The following MYO3B variants were observed in gnomAD, a reference collection of about 807,000 sequenced individuals.
The protein encoded by MYO3B is myosin-IIIb.
In MYO3B, 156 loss-of-function variants were observed where a neutral mutation model predicts 174.6. The ratio of observed to expected loss-of-function variants is 0.89; its 90% CI spans 0.78 to 1.02. The LOEUF is 1.02. Ranked by LOEUF, MYO3B falls within the 50% of genes least tolerant of loss-of-function variation. The probability of loss-of-function intolerance (pLI) is 0.00; values close to 1 mark genes in which losing one functional copy is unlikely to be tolerated. For missense variants in MYO3B, 1,632 were observed against 1,639.4 expected, an observed-to-expected ratio of 1.00 and a Z score of 0.08; for synonymous variants, 563 against 569.1, an observed-to-expected ratio of 0.99 and a Z score of 0.15.
At chr2:170,571,736 A>G (rs1260466172) in intron 32 of MYO3B, among the ~76,000 whole-genome samples, 2 of 152,144 alleles carry the variant, frequency 1.3e-5, no homozygotes, top group Admixed American at 6.5e-5. Context: ...ATAAAAGTGG[A>G]GTATATAGGG....
intron 24 of MYO3B, among the ~76,000 whole-genome samples, chr2:170,465,568 G>C (rs748550777): frequency 1.3e-5 from 2 of 152,152 alleles, no homozygotes; most frequent in Non-Finnish European, 2.9e-5. Flanking sequence ...AACCCTTGGT[G>C]TCTGTATGTG....
intron 32 of MYO3B, among the ~76,000 whole-genome samples, chr2:170,552,746 A>G (rs1028580854): frequency 5.9e-5 from 9 of 152,178 alleles, no homozygotes; most frequent in Admixed American, 5.2e-4. Context: ...AAACAATGGA[A>G]AAAAACTCCT....
At chr2:170,184,023 A>AT (rs150712095) in intron 1 of MYO3B, among the ~76,000 whole-genome samples, 64,729 of 151,272 alleles carry the variant, frequency 0.43, 15,076 homozygotes, top group East Asian at 0.56. Context: ...CTAATAGCTG[A>AT]TTTTTTTTCT....
At chr2:170,463,306 G>A in intron 23 of MYO3B, 62 bp from the exon 24 acceptor site, 1 of 1,464,900 alleles carries the variant, frequency 6.8e-7, no homozygotes, top group Non-Finnish European at 9.5e-7. Flanking sequence ...GATTTTGGAA[G>A]ACATGGAGCA....
intron 7 of MYO3B, among the ~76,000 whole-genome samples, chr2:170,251,701 G>C (rs1430231194): frequency 6.6e-6 from 1 of 152,178 alleles, no homozygotes. Context: ...CTTGACTTTG[G>C]ACTGCTAGTT....
At chr2:170,628,179 C>A (rs1442455642) in intron 32 of MYO3B, among the ~76,000 whole-genome samples, 1 of 152,230 alleles carries the variant, frequency 6.6e-6, no homozygotes, top group Non-Finnish European at 1.5e-5. Flanking sequence ...CCTCCTTGAG[C>A]TGCATTGGGC....
intron 29 of MYO3B, among the ~76,000 whole-genome samples, chr2:170,515,289 G>T (rs766745168): frequency 3.4e-4 from 51 of 152,212 alleles, no homozygotes; most frequent in Non-Finnish European, 1.0e-4. Flanking sequence ...TGGAACACTG[G>T]TCTAGTTGCA....
chr2:170,391,507 CTTTT>C lies in MYO3B; in HGVS notation c.1578-7_1578-4del. Reference sequence around the variant, plus strand: ...CCAGAATATATTATTACTAAAGTCTCTTTTTTTTTCAGGAGAGAGAAAAATTTTC... The same window carrying C: ...CCAGAATATATTATTACTAAAGTCTCTTTTTCAGGAGAGAGAAAAATTTTC... On this transcript the variant is annotated splice_polypyrimidine_tract_variant and intron_variant, in intron 14 of 34. Coordinates refer to ENST00000408978, the MANE Select transcript of MYO3B (RefSeq NM_138995.5). 3 of 1,257,352 alleles carry C rather than the reference CTTTT, an allele frequency of 2.4e-6. No homozygotes were observed. Among genetic ancestry groups the C allele is most frequent in the African/African-American group, 1.6e-5 (1 of 63,676 alleles). 77.9% of individuals were successfully genotyped at this position (1,257,352 alleles called of 1,614,324 possible). A position where few individuals can be genotyped will look rare whatever the true frequency, so the allele number is the denominator to read the frequency against.
rs867364076 is a variant in MYO3B, at chr2:170,200,377, T to C, written c.321+93T>C. The stretch of plus-strand genomic sequence containing the variant: ...CCTAGAGGGTGTTTTAAGGTACACA[T>C]TTGAGGAGTAGGTCCCTCCTGCATG... On this transcript the variant is annotated intron_variant, in intron 3 of 34. Transcript: ENST00000408978. The C allele has an allele frequency of 6.6e-5, 94 of 1,428,692 alleles. 1 individual carries two copies. In the Middle Eastern group the frequency reaches 4.0e-3, roughly 61 times the overall value. 88.5% of individuals were successfully genotyped at this position (1,428,692 alleles called of 1,614,324 possible). A position where few individuals can be genotyped will look rare whatever the true frequency, so the allele number is the denominator to read the frequency against.
At chr2:170,426,079 ATT>A (rs34098665) in intron 22 of MYO3B, among the ~76,000 whole-genome samples, 7 of 148,072 alleles carry the variant, frequency 4.7e-5, no homozygotes, top group African/African-American at 1.7e-4. Context: ...TTAATCTCTG[ATT>A]TTTTTTTTTT....
intron 28 of MYO3B, among the ~76,000 whole-genome samples, chr2:170,505,857 G>A (rs933169241): frequency 2.0e-5 from 3 of 152,230 alleles, no homozygotes; most frequent in African/African-American, 7.2e-5. Flanking sequence ...CACACGCACA[G>A]GAGTCGGAAG....
chr2:170,407,602 G>GAAAGCTATC, intron 21 of MYO3B, 113 bp from the exon 22 acceptor site: 2 of 1,210,094 alleles, frequency 1.7e-6, no homozygotes, highest in Non-Finnish European at 2.4e-6. Flanking sequence ...TGAAAGCTAT[G>GAAAGCTATC]TAAAGATGAG....
At chr2:170,589,893 A>G (rs1693716079) in intron 32 of MYO3B, among the ~76,000 whole-genome samples, 1 of 152,214 alleles carries the variant, frequency 6.6e-6, no homozygotes, top group Admixed American at 6.5e-5. Context: ...AGTGCCCTAT[A>G]CAGAGGTACC....
chr2:170,274,859 A>G (rs975852746), intron 7 of MYO3B, among the ~76,000 whole-genome samples: 2 of 152,230 alleles, frequency 1.3e-5, no homozygotes, highest in Non-Finnish European at 2.9e-5. Flanking sequence ...TTCCTAATCA[A>G]AAATCTTTAA....
intron 25 of MYO3B, among the ~76,000 whole-genome samples, chr2:170,479,581 A>G (rs1685549535): frequency 6.8e-6 from 1 of 146,532 alleles, no homozygotes; most frequent in Non-Finnish European, 1.5e-5. Flanking sequence ...ATATACATAC[A>G]TCTATATAAT....
chr2:170,182,493 C>A (rs538781781), intron 1 of MYO3B, among the ~76,000 whole-genome samples: 1 of 152,192 alleles, frequency 6.6e-6, no homozygotes, highest in Admixed American at 6.5e-5. Flanking sequence ...TTATTTCTAC[C>A]CCTGTGGCAT....
At chr2:170,372,487 C>T (rs1236188173) in intron 9 of MYO3B, among the ~76,000 whole-genome samples, 1 of 152,006 alleles carries the variant, frequency 6.6e-6, no homozygotes, top group Non-Finnish European at 1.5e-5. Context: ...TTAAAATATC[C>T]CATTTTATCT....
intron 30 of MYO3B, among the ~76,000 whole-genome samples, chr2:170,526,352 G>C (rs1688997974): frequency 6.6e-6 from 1 of 152,176 alleles, no homozygotes; most frequent in African/African-American, 2.4e-5. Context: ...AATAATAGTA[G>C]TAATATTAGT....
rs2105838058 is a variant in MYO3B at position 170,415,108 on chromosome 2, T to A, written c.2650+7264T>A. Reference sequence around the variant, plus strand: ...ATTATACTGGCTAGGACTTCCAGTATGATATTGGATAAAAGTGGTGAGAGG... The same window carrying A: ...ATTATACTGGCTAGGACTTCCAGTAAGATATTGGATAAAAGTGGTGAGAGG... On this transcript the variant is annotated intron_variant, in intron 22 of 34. Transcript: ENST00000408978. 1.3e-5 allele frequency among the ~76,000 whole-genome samples: 2 copies of A among 152,352 alleles called. 1 individual carries two copies. The highest frequency in any genetic ancestry group is 1.3e-4 in the Admixed American group (2 of 15,312).
Sources: gnomAD v4.1 joint callset for allele counts (sites outside exome capture counted in the v4.1 genomes callset) on GRCh38, gnomAD v4.1.1 for gene constraint, MANE v1.5 for transcripts, NCBI Gene and HGNC (gene_info 2026-07-23, HGNC 2026-07-21) for gene names.